The following RTN3 variants were observed in gnomAD, a reference collection of about 807,000 sequenced individuals.
The protein encoded by RTN3 is reticulon 3.
A neutral mutation model predicts 77.8 loss-of-function variants in RTN3; 49 were observed. That is an observed-to-expected ratio of 0.63 (90% CI 0.50 to 0.80). The LOEUF (loss-of-function observed/expected upper bound fraction) is 0.80, where lower values mean the gene tolerates loss of function less well. Ranked by LOEUF, RTN3 falls within the 30% of genes least tolerant of loss-of-function variation. RTN3 has a pLI of 0.00. For missense variants in RTN3, 1,236 were observed against 1,211.9 expected (o/e 1.02, Z -0.29); for synonymous variants, 464 against 446.9 (o/e 1.04, Z -0.48).
intron 3 of RTN3, among the ~76,000 whole-genome samples, chr11:63,738,605 C>T (rs1322827944): frequency 6.8e-6 from 1 of 147,300 alleles, no homozygotes; most frequent in African/African-American, 2.5e-5. Flanking sequence ...TCACACCAGC[C>T]TGGGTGACAG....
At chr11:63,736,918 G>T (rs1203573387) in intron 3 of RTN3, among the ~76,000 whole-genome samples, 4 of 150,928 alleles carry the variant, frequency 2.7e-5, no homozygotes. Flanking sequence ...AGGGGAAAGT[G>T]TTATACAAGG....
At chr11:63,684,485 G>GT (rs1177943303) in intron 1 of RTN3, among the ~76,000 whole-genome samples, 17 of 151,974 alleles carry the variant, frequency 1.1e-4, no homozygotes. Flanking sequence ...TAGAGATGGG[G>GT]TTTTGCCATG....
chr11:63,731,809 C>T (rs993205050), intron 3 of RTN3, among the ~76,000 whole-genome samples: 2 of 152,086 alleles, frequency 1.3e-5, no homozygotes, highest in African/African-American at 4.8e-5. Context: ...TGCGCCACTA[C>T]ACCCAGCTAA....
intron 3 of RTN3, among the ~76,000 whole-genome samples, chr11:63,721,319 A>G (rs1235920487): frequency 1.3e-5 from 2 of 152,162 alleles, no homozygotes; most frequent in Non-Finnish European, 1.5e-5. Flanking sequence ...TCACGCCTAT[A>G]ATCCCAGCAC....
intron 3 of RTN3, among the ~76,000 whole-genome samples, chr11:63,729,237 G>A (rs941138268): frequency 1.3e-5 from 2 of 151,972 alleles, no homozygotes; most frequent in Non-Finnish European, 2.9e-5. Flanking sequence ...CCTTTAGGAA[G>A]GAATGAAGAG....
At position 63,733,606 on chromosome 11, in the gene RTN3, A is replaced by T. The variant is rs1193874208; in HGVS notation, c.2530+12574A>T. Among the ~76,000 whole-genome samples, 3 of 152,100 alleles carry T rather than the reference A, an allele frequency of 2.0e-5. No homozygotes were observed. The East Asian group carries it at 5.8e-4, about 29-fold the overall frequency. On this transcript the variant is annotated intron_variant, in intron 3 of 8. Transcript: ENST00000377819. ...AATGTTTGGCTGAGTGCAGTGGCTC[A>T]TTCCTGTAATCTCAACACTCTGGGA...
At chr11:63,729,460 G>GT (rs1223266871) in intron 3 of RTN3, among the ~76,000 whole-genome samples, 1 of 49,252 alleles carries the variant, frequency 2.0e-5, no homozygotes, top group African/African-American at 7.6e-5. Flanking sequence ...TTTTTTTTTT[G>GT]TTTGTTTGAG....
intron 1 of RTN3, among the ~76,000 whole-genome samples, chr11:63,687,773 C>T (rs2134623146): frequency 6.6e-6 from 1 of 152,224 alleles, no homozygotes; most frequent in East Asian, 1.9e-4. Flanking sequence ...ATAACAATAC[C>T]TAATGTTTGA....
chr11:63,681,490 TGA>T (rs1038913482), upstream of RTN3: 1 of 821,592 alleles, frequency 1.2e-6, no homozygotes, highest in Non-Finnish European at 1.7e-6. Context: ...TGCGCTCGGC[TGA>T]GTCAGTCAGT....
intron 3 of RTN3, among the ~76,000 whole-genome samples, chr11:63,735,374 A>C (rs2013018687): frequency 6.6e-6 from 1 of 152,230 alleles, no homozygotes; most frequent in African/African-American, 2.4e-5. Context: ...TAGCTAAAAA[A>C]GTACTTAAGA....
rs2014582429 is a variant in RTN3 at position 63,759,879 on chromosome 11, A to C, written c.*1678A>C. ...TGATGTGGTATTAATAAAAAAAAAA[A>C]AAACACAAACAATGACTGTGGCATC... On this transcript the variant is annotated 3_prime_UTR_variant, in exon 9 of 9. Coordinates refer to ENST00000377819, the MANE Select transcript of RTN3 (RefSeq NM_001265589.2). 1 of 149,266 alleles carries C rather than the reference A, an allele frequency of 6.7e-6. No homozygotes were observed. The highest frequency in any genetic ancestry group is 6.6e-5 in the Admixed American group (1 of 15,068). The allele number at this position is 149,266 out of a possible 1,614,324, so 9.2% of individuals were successfully genotyped here.
intron 3 of RTN3, among the ~76,000 whole-genome samples, chr11:63,725,579 G>C (rs2012198862): frequency 6.6e-6 from 1 of 152,052 alleles, no homozygotes; most frequent in Non-Finnish European, 1.5e-5. Flanking sequence ...CTCCTGAGTA[G>C]CTGGGACTAC....
intron 1 of RTN3, among the ~76,000 whole-genome samples, chr11:63,693,184 A>G (rs940619929): frequency 6.6e-6 from 1 of 152,174 alleles, no homozygotes; most frequent in African/African-American, 2.4e-5. Context: ...AAAAACATGC[A>G]TATTAACAAA....
chr11:63,694,666 C>G (rs1941845642), intron 1 of RTN3, among the ~76,000 whole-genome samples: 5 of 152,072 alleles, frequency 3.3e-5, no homozygotes. Context: ...CCATGTTGCC[C>G]AGGCTGATCT....
At chr11:63,751,670 A>G (rs1334799643) in intron 4 of RTN3, among the ~76,000 whole-genome samples, 3 of 152,160 alleles carry the variant, frequency 2.0e-5, no homozygotes, top group African/African-American at 7.2e-5. Flanking sequence ...AATAGAAGGA[A>G]TAACTTACAA....
At chr11:63,748,352 CTTTT>C (rs112993177) in intron 3 of RTN3, among the ~76,000 whole-genome samples, 2 of 138,834 alleles carry the variant, frequency 1.4e-5, no homozygotes, top group Admixed American at 1.5e-4. Flanking sequence ...GCCCCACTCA[CTTTT>C]TTTTTTTTTT....
At chr11:63,712,979 C>T (rs1352583035) in intron 2 of RTN3, among the ~76,000 whole-genome samples, 1 of 152,030 alleles carries the variant, frequency 6.6e-6, no homozygotes, top group African/African-American at 2.4e-5. Context: ...CCTGTAATCC[C>T]AGCTACTCCG....
chr11:63,705,386 G>A (rs1308333498), intron 2 of RTN3, among the ~76,000 whole-genome samples: 2 of 152,140 alleles, frequency 1.3e-5, no homozygotes, highest in Non-Finnish European at 2.9e-5. Context: ...AGGCTGAGGT[G>A]GGAGGATTGC....
In RTN3 at chr11:63,681,536, A is replaced by G. The variant is rs1446433065; in HGVS notation, c.-101A>G. ...GTCTGTCCTCGGAGCAGGCGGAGTA[A>G]AGGGACTTGAGCGAGCCAGTTGCCG... is the stretch of plus-strand genomic sequence containing the variant. On this transcript the variant is annotated 5_prime_UTR_variant, in exon 1 of 9. Transcript: ENST00000377819. 3.2e-6 allele frequency: 4 copies of G among 1,254,828 alleles called. No homozygotes were observed. In the African/African-American group the frequency reaches 4.6e-5, roughly 15 times the overall value. 77.7% of individuals were successfully genotyped at this position (1,254,828 alleles called of 1,614,324 possible). A position where few individuals can be genotyped will look rare whatever the true frequency, so the allele number is the denominator to read the frequency against.
Sources: allele counts gnomAD v4.1 joint callset (sites outside exome capture counted in the v4.1 genomes callset), GRCh38; gene constraint gnomAD v4.1.1; transcripts MANE v1.5; gene names NCBI Gene and HGNC (gene_info 2026-07-23, HGNC 2026-07-21).